GABPB1: variants seen among roughly 807,000 people sequenced by gnomAD.
The protein encoded by GABPB1 is GA-binding protein subunit beta-1.
GABPB1 carries 15 observed loss-of-function variants against 45.9 expected under a neutral mutation model. That is an observed-to-expected ratio of 0.33 (90% CI 0.22 to 0.50). GABPB1 has a LOEUF of 0.50. Among genes scored for constraint, GABPB1 ranks in the 20% least tolerant of loss-of-function variants. GABPB1 has a pLI of 0.98. For synonymous variants in GABPB1, 143 were observed against 154.4 expected (o/e 0.93, Z 0.55); for missense variants, 252 against 457.5 (o/e 0.55, Z 4.10).
At chr15:50,311,914 G>A (rs2047141664) in intron 1 of GABPB1, among the ~76,000 whole-genome samples, 1 of 152,320 alleles carries the variant, frequency 6.6e-6, no homozygotes, top group Middle Eastern at 3.4e-3. Flanking sequence ...ACCAAGCACA[G>A]AAGAGGTAAC....
chr15:50,346,944 T>C (rs2141177196), intron 1 of GABPB1, among the ~76,000 whole-genome samples: 1 of 151,974 alleles, frequency 6.6e-6, no homozygotes, highest in East Asian at 1.9e-4. Context: ...CACCTGCCAC[T>C]GTGCCCGGCT....
chr15:50,347,793 T>C (rs944103876), intron 1 of GABPB1, among the ~76,000 whole-genome samples: 7 of 152,162 alleles, frequency 4.6e-5, no homozygotes, highest in Non-Finnish European at 7.3e-5. Flanking sequence ...CAGTGGCTTA[T>C]ACCTGTAATC....
At chr15:50,283,182 A>G (rs1431609302) in intron 8 of GABPB1, among the ~76,000 whole-genome samples, 2 of 152,246 alleles carry the variant, frequency 1.3e-5, no homozygotes, top group African/African-American at 4.8e-5. Flanking sequence ...CACTAAATAC[A>G]TTTCTTACAC....
intron 1 of GABPB1, among the ~76,000 whole-genome samples, chr15:50,348,310 A>G (rs957969199): frequency 1.6e-4 from 25 of 152,106 alleles, no homozygotes; most frequent in Non-Finnish European, 1.8e-4. Flanking sequence ...GCTGCAGTAC[A>G]GTGGCACAAT....
intron 1 of GABPB1, among the ~76,000 whole-genome samples, chr15:50,340,887 CATAT>C (rs2048337589): frequency 5.8e-5 from 1 of 17,140 alleles, no homozygotes; most frequent in Non-Finnish European, 1.1e-4. Context: ...TGTAATATTA[CATAT>C]TACATATGGT....
rs1238189366 is a variant in GABPB1, at chr15:50,301,280, G to C, written c.560C>G (p.Pro187Arg). Residue 187 changes from proline (P) to arginine (R), a missense_variant, in exon 5 of 9, where the codon CCT (proline) becomes CGT (arginine). Pro to Arg is a moderately radical substitution (Grantham distance 103). Around this residue, in one of 4 missense-constraint regions of GABPB1, gnomAD observed 193 missense variants for 259.9 expected, o/e 0.74. Transcript: ENST00000380877. Reference protein sequence around the residue: ...HAATPQFIIGPGGVVNLTDET... With the variant: ...HAATPQFIIGRGGVVNLTDET... ...ACCTGTTAGGTTCACCACCCCTCCAGGTCCAATGATAAACTGTGGTGTTGC... is the reference window on the plus strand; with the variant it reads ...ACCTGTTAGGTTCACCACCCCTCCACGTCCAATGATAAACTGTGGTGTTGC... 6.2e-7 allele frequency: 1 copy of C among 1,614,066 alleles called. No homozygotes were observed. Among genetic ancestry groups the C allele is most frequent in the South Asian group, 1.1e-5 (1 of 91,080 alleles).
At chr15:50,318,135 C>T (rs932648511) in intron 1 of GABPB1, among the ~76,000 whole-genome samples, 2 of 152,100 alleles carry the variant, frequency 1.3e-5, no homozygotes, top group African/African-American at 4.8e-5. Flanking sequence ...AGGGCCTTAA[C>T]AAGATCATTA....
Position 50,303,078 on chromosome 15 carries a change from G to C in GABPB1, c.322C>G (p.Leu108Val). The C allele has an allele frequency of 6.2e-7, 1 of 1,613,576 alleles. No homozygotes were observed. The change falls in exon 4 of 9, where the codon CTC (leucine) becomes GTC (valine). Residue 108 changes from leucine (L) to valine (V), a missense_variant. By Grantham distance (32) the Leu-to-Val change is conservative (BLOSUM62 1). Around this residue, in one of 4 missense-constraint regions of GABPB1, gnomAD observed 35 missense variants for 143.7 expected, o/e 0.24. Transcript: ENST00000380877. ...NAKDMLKMTA[L>V]HWATEHNHQE... ...TGATTGTGTTCTGTGGCCCAATGGA[G>C]AGCTGTCATCTTTAACATGTCCTTT... is the stretch of plus-strand genomic sequence containing the variant.
intron 1 of GABPB1, among the ~76,000 whole-genome samples, chr15:50,327,892 C>T (rs899836015): frequency 6.6e-6 from 1 of 151,400 alleles, no homozygotes; most frequent in South Asian, 2.1e-4. Flanking sequence ...AGCGAGACTC[C>T]ATCTCAAAAG....
intron 2 of GABPB1, among the ~76,000 whole-genome samples, chr15:50,308,641 G>C (rs886418412): frequency 6.6e-6 from 1 of 152,148 alleles, no homozygotes; most frequent in Non-Finnish European, 1.5e-5. Context: ...CAGTGAGGTG[G>C]AAAAACCACC....
At chr15:50,294,993 A>T (rs1038125799) in intron 6 of GABPB1, among the ~76,000 whole-genome samples, 1 of 152,224 alleles carries the variant, frequency 6.6e-6, no homozygotes, top group Non-Finnish European at 1.5e-5. Flanking sequence ...TAAGCAAAGG[A>T]AAGTTGCTAT....
chr15:50,311,830 T>A (rs1050810300), intron 1 of GABPB1, among the ~76,000 whole-genome samples: 1 of 152,064 alleles, frequency 6.6e-6, no homozygotes, highest in Non-Finnish European at 1.5e-5. Context: ...AAGGGGTAAT[T>A]ATAAGAAAAG....
chr15:50,331,684 G>C (rs985594018), intron 1 of GABPB1, among the ~76,000 whole-genome samples: 2 of 152,158 alleles, frequency 1.3e-5, no homozygotes, highest in African/African-American at 4.8e-5. Flanking sequence ...TTAATACATA[G>C]TGGAAAGCAA....
At chr15:50,313,059 T>C (rs375731167) in intron 1 of GABPB1, among the ~76,000 whole-genome samples, 12 of 152,124 alleles carry the variant, frequency 7.9e-5, no homozygotes, top group Admixed American at 7.2e-4. Context: ...CTTCTACATA[T>C]TAAAATAATC....
At chr15:50,305,019 G>A (rs1375819172) in intron 2 of GABPB1, among the ~76,000 whole-genome samples, 1 of 152,078 alleles carries the variant, frequency 6.6e-6, no homozygotes, top group Non-Finnish European at 1.5e-5. Context: ...CAATTCTCCT[G>A]AAATTGGTTC....
intron 1 of GABPB1, among the ~76,000 whole-genome samples, chr15:50,340,565 A>C (rs1447090014): frequency 1.5e-5 from 2 of 137,526 alleles, no homozygotes; most frequent in Non-Finnish European, 3.2e-5. Context: ...AAAAAAAAAA[A>C]AAAAAACATT....
rs951072562 is a variant in GABPB1 at position 50,285,978 on chromosome 15, A to G, written c.999+90T>C. On this transcript the variant is annotated intron_variant, in intron 8 of 8. Coordinates refer to ENST00000380877, the MANE Select transcript of GABPB1 (RefSeq NM_016654.5). Reference sequence around the variant, plus strand: ...ACGCACTTTCATTCTGTATCAAAACAATACTGTCAGTAATAAATATAAAAG... The same window carrying G: ...ACGCACTTTCATTCTGTATCAAAACGATACTGTCAGTAATAAATATAAAAG... 21 of 1,547,602 alleles carry G rather than the reference A, an allele frequency of 1.4e-5. No individual in the cohort carries two copies. In the Middle Eastern group the frequency reaches 5.4e-4, roughly 40 times the overall value.
rs117598631 is a variant in GABPB1 at position 50,330,507 on chromosome 15, C to T, written c.1-20709G>A. Among the ~76,000 whole-genome samples, 82 of 152,192 alleles carry T rather than the reference C, an allele frequency of 5.4e-4. 1 individual carries two copies. The East Asian group carries it at 0.015, about 27-fold the overall frequency. On this transcript the variant is annotated intron_variant, in intron 1 of 8. Coordinates refer to ENST00000380877, the MANE Select transcript of GABPB1 (RefSeq NM_016654.5). ...TGAATATAGGGCCCTGACAGTCATC[C>T]GATTTTAAACAATTCTCCTTCCTCA...
chr15:50,283,498 A>T (rs1208457783), intron 8 of GABPB1, among the ~76,000 whole-genome samples: 1 of 151,662 alleles, frequency 6.6e-6, no homozygotes, highest in Non-Finnish European at 1.5e-5. Context: ...AACTGTAAAC[A>T]TAAATTTTTA....
Sources: allele counts gnomAD v4.1 joint callset (sites outside exome capture counted in the v4.1 genomes callset), GRCh38; gene constraint gnomAD v4.1.1; regional missense constraint gnomAD v4.1.1; transcripts MANE v1.5; gene names NCBI Gene and HGNC (gene_info 2026-07-23, HGNC 2026-07-21).